Variants in PLD5 observed in about 807,000 individuals in gnomAD.
PLD5 encodes inactive phospholipase D5.
PLD5 carries 36 observed loss-of-function variants against 61.1 expected under a neutral mutation model. The observed-to-expected ratio is 0.59, with a 90% CI of 0.45 to 0.78. The LOEUF (loss-of-function observed/expected upper bound fraction) is 0.78, where lower values mean the gene tolerates loss of function less well. Ranked by LOEUF, PLD5 falls within the 30% of genes least tolerant of loss-of-function variation. The pLI is 0.00. For missense variants in PLD5, 515 were observed against 644.4 expected (o/e 0.80, Z 2.17); for synonymous variants, 243 against 242.8 (o/e 1.00, Z -0.01).
intron 1 of PLD5, among the ~76,000 whole-genome samples, chr1:242,498,393 G>T (rs1159369984): frequency 6.6e-6 from 1 of 152,082 alleles, no homozygotes; most frequent in Non-Finnish European, 1.5e-5. Context: ...TAATATTTTG[G>T]AGTATCTCCT....
intron 5 of PLD5, among the ~76,000 whole-genome samples, chr1:242,158,484 C>A (rs1388545403): frequency 6.6e-6 from 1 of 152,098 alleles, no homozygotes; most frequent in African/African-American, 2.4e-5. Context: ...TTGCGAAGAC[C>A]ATGCATGGGA....
intron 5 of PLD5, among the ~76,000 whole-genome samples, chr1:242,155,312 T>C (rs573492619): frequency 2.0e-4 from 31 of 152,308 alleles, no homozygotes; most frequent in Non-Finnish European, 1.2e-4. Flanking sequence ...CCTGGATTCA[T>C]TGATTTATTT....
intron 3 of PLD5, among the ~76,000 whole-genome samples, chr1:242,286,357 C>CGGGGAAAATTGTAGTTCAGTAA (rs1460088032): frequency 3.3e-5 from 5 of 151,966 alleles, no homozygotes; most frequent in Non-Finnish European, 7.4e-5. Flanking sequence ...GTGGAAAACA[C>CGGGGAAAATTGTAGTTCAGTAA]GGGGAAAATT....
chr1:242,119,457 G>C (rs958153296), intron 6 of PLD5, among the ~76,000 whole-genome samples: 4 of 151,846 alleles, frequency 2.6e-5, no homozygotes, highest in Non-Finnish European at 4.4e-5. Flanking sequence ...TCTGTTTAAG[G>C]GACTTGTATA....
At chr1:242,427,342 T>A (rs1247539864) in intron 1 of PLD5, among the ~76,000 whole-genome samples, 1 of 152,180 alleles carries the variant, frequency 6.6e-6, no homozygotes, top group African/African-American at 2.4e-5. Flanking sequence ...TATAACCAAA[T>A]AATATTGTCA....
At chr1:242,397,433 C>T (rs1300038105) in intron 1 of PLD5, among the ~76,000 whole-genome samples, 4 of 151,588 alleles carry the variant, frequency 2.6e-5, no homozygotes, top group Non-Finnish European at 5.9e-5. Context: ...TTATTATCTC[C>T]ACTGCTATTA....
intron 1 of PLD5, among the ~76,000 whole-genome samples, chr1:242,470,413 T>C (rs1022212992): frequency 6.6e-6 from 1 of 151,844 alleles, no homozygotes; most frequent in African/African-American, 2.4e-5. Flanking sequence ...GGAAAGGCTG[T>C]AGAATCCTAC....
At chr1:242,218,318 A>C (rs973746310) in intron 5 of PLD5, among the ~76,000 whole-genome samples, 6 of 152,238 alleles carry the variant, frequency 3.9e-5, no homozygotes, top group Admixed American at 3.9e-4. Context: ...GCTACTGCAC[A>C]CTTAGACTAC....
chr1:242,512,255 C>CAA (rs55735206), intron 1 of PLD5, among the ~76,000 whole-genome samples: 4 of 125,610 alleles, frequency 3.2e-5, no homozygotes. Context: ...ACTAAAAATA[C>CAA]AAAAAAAAAA....
At chr1:242,146,301 A>G (rs904949035) in intron 5 of PLD5, among the ~76,000 whole-genome samples, 10 of 152,208 alleles carry the variant, frequency 6.6e-5, no homozygotes. Flanking sequence ...TCACTTCCTG[A>G]TTCCAAATGA....
chr1:242,366,040 A>G (rs1661323310), intron 1 of PLD5, among the ~76,000 whole-genome samples: 1 of 152,236 alleles, frequency 6.6e-6, no homozygotes, highest in Admixed American at 6.5e-5. Flanking sequence ...AATTCTATTC[A>G]AGATATCCCA....
At chr1:242,447,566 G>A (rs2102918525) in intron 1 of PLD5, among the ~76,000 whole-genome samples, 1 of 152,318 alleles carries the variant, frequency 6.6e-6, no homozygotes, top group East Asian at 1.9e-4. Context: ...TCATTAAGAA[G>A]AGCTCACTTA....
chr1:242,118,513 T>C (rs1329173118), intron 6 of PLD5, among the ~76,000 whole-genome samples: 1 of 152,274 alleles, frequency 6.6e-6, no homozygotes, highest in Non-Finnish European at 1.5e-5. Context: ...TGTGTATCTC[T>C]GGCATCTTGT....
At chr1:242,281,327 C>T (rs932655068) in intron 3 of PLD5, among the ~76,000 whole-genome samples, 6 of 152,038 alleles carry the variant, frequency 3.9e-5, no homozygotes, top group South Asian at 2.1e-4. Context: ...TACCAGGTAG[C>T]GCCTGGAGAC....
At chr1:242,268,460 C>T (rs1673847481) in intron 3 of PLD5, among the ~76,000 whole-genome samples, 1 of 152,154 alleles carries the variant, frequency 6.6e-6, no homozygotes, top group Admixed American at 6.5e-5. Flanking sequence ...TTGATTTCCA[C>T]TGTGTTATTT....
intron 4 of PLD5, among the ~76,000 whole-genome samples, chr1:242,229,717 G>T (rs1303994475): frequency 2.0e-5 from 3 of 151,882 alleles, no homozygotes; most frequent in South Asian, 2.1e-4. Flanking sequence ...TTTTGTTTAG[G>T]AGTCTCATAC....
chr1:242,477,985 T>G (rs1293048349), intron 1 of PLD5, among the ~76,000 whole-genome samples: 1 of 152,180 alleles, frequency 6.6e-6, no homozygotes, highest in African/African-American at 2.4e-5. Flanking sequence ...AAGCTTTAAA[T>G]GTAAAGGTGT....
At chr1:242,158,327 C>G (rs1013602996) in intron 5 of PLD5, among the ~76,000 whole-genome samples, 1 of 152,124 alleles carries the variant, frequency 6.6e-6, no homozygotes, top group Non-Finnish European at 1.5e-5. Flanking sequence ...AGAGTTCTGT[C>G]TCGCTGGCCT....
intron 1 of PLD5, among the ~76,000 whole-genome samples, chr1:242,423,372 G>A (rs1465001214): frequency 6.6e-6 from 1 of 152,088 alleles, no homozygotes; most frequent in East Asian, 1.9e-4. Context: ...ATAAAAGTGG[G>A]GTGCAGTGGA....
Sources: allele counts gnomAD v4.1 joint callset (sites outside exome capture counted in the v4.1 genomes callset), GRCh38; gene constraint gnomAD v4.1.1; transcripts MANE v1.5; gene names NCBI Gene and HGNC (gene_info 2026-07-23, HGNC 2026-07-21).